The following AFAP1 variants were observed in gnomAD, a reference collection of about 807,000 sequenced individuals.
AFAP1 encodes actin filament associated protein 1.
AFAP1 carries 75 observed loss-of-function variants against 93.9 expected under a neutral mutation model. The observed-to-expected ratio is 0.80, with a 90% CI of 0.66 to 0.97. AFAP1 has a LOEUF of 0.97. Ranked by LOEUF, AFAP1 falls within the 50% of genes least tolerant of loss-of-function variation. The pLI is 0.00. For missense variants in AFAP1, 1,201 were observed against 1,050.8 expected (o/e 1.14, Z -1.98); for synonymous variants, 517 against 430.7 (o/e 1.20, Z -2.48).
chr4:7,798,968 A>T (rs568550513), intron 10 of AFAP1: 1 of 986,380 alleles, frequency 1.0e-6, no homozygotes, highest in East Asian at 1.1e-4. Flanking sequence ...CTCATGGGAG[A>T]CCCGCATTGT....
At position 7,816,118 on chromosome 4, in the gene AFAP1, T is replaced by A. The variant is rs1250876431; in HGVS notation, c.823-19A>T. Reference sequence around the variant, plus strand: ...ACAGTTTCTGTAAGGAGAAAAAGATTAAGTTATTCTTACAGTGGTCACTTG... The same window carrying A: ...ACAGTTTCTGTAAGGAGAAAAAGATAAAGTTATTCTTACAGTGGTCACTTG... On this transcript the variant is annotated intron_variant, in intron 7 of 17. Transcript: ENST00000420658. 1.3e-6 allele frequency: 2 copies of A among 1,596,702 alleles called. No homozygotes were observed. Among genetic ancestry groups the A allele is most frequent in the Non-Finnish European group, 8.6e-7 (1 of 1,168,922 alleles).
At chr4:7,935,735 G>GTA (rs150380286) in intron 1 of AFAP1, among the ~76,000 whole-genome samples, 6,293 of 152,210 alleles carry the variant, frequency 0.041, 389 homozygotes, top group African/African-American at 0.13. Context: ...CAAAGCAAGG[G>GTA]TATACTTCAG....
At chr4:7,790,418 T>C (rs1717759414) in intron 11 of AFAP1, among the ~76,000 whole-genome samples, 1 of 152,250 alleles carries the variant, frequency 6.6e-6, no homozygotes, top group Non-Finnish European at 1.5e-5. Flanking sequence ...TTTAGATTAA[T>C]ACTCTAGTCA....
In AFAP1 at chr4:7,775,772, A is replaced by C. The variant is rs537139226; in HGVS notation, c.1898-869T>G. On this transcript the variant is annotated intron_variant, in intron 14 of 17. Transcript: ENST00000420658. ...TGCCTCAGTTTCCCTCATCCGTGAA[A>C]TGGGGATAGTAAGAGCAGGCAATTC... The C allele has an allele frequency of 1.6e-3, 247 of 152,334 alleles. 1 individual carries two copies. The highest frequency in any genetic ancestry group is 5.8e-3 in the African/African-American group (240 of 41,584). The allele number at this position is 152,334 out of a possible 1,614,324, so 9.4% of individuals were successfully genotyped here.
intron 9 of AFAP1, among the ~76,000 whole-genome samples, chr4:7,805,309 A>T (rs1008393434): frequency 6.6e-6 from 1 of 152,232 alleles, no homozygotes; most frequent in Admixed American, 6.5e-5. Context: ...AAAGTGACAG[A>T]ACATTTCAGC....
Position 7,885,063 on chromosome 4 carries a change from C to T in AFAP1, c.-2-12983G>A, listed in dbSNP as rs147229124. ...ACTGTTTCACAAAAGCTCATCTCAT[C>T]GCTCTCTAGATTTCAGGCTCCAATT... On this transcript the variant is annotated intron_variant, in intron 1 of 17. Coordinates refer to ENST00000420658, the MANE Select transcript of AFAP1 (RefSeq NM_001134647.2). Among the ~76,000 whole-genome samples, 349 of 152,298 alleles carry T rather than the reference C, an allele frequency of 2.3e-3. 7 individuals carry two copies. Among genetic ancestry groups the T allele is most frequent in the South Asian group, 6.0e-3 (29 of 4,820 alleles).
intron 7 of AFAP1, among the ~76,000 whole-genome samples, chr4:7,817,364 A>G (rs1720565439): frequency 1.3e-5 from 2 of 152,206 alleles, no homozygotes; most frequent in African/African-American, 2.4e-5. Flanking sequence ...GCACTTTGGG[A>G]GGCCAAGGCA....
At chr4:7,931,697 T>C (rs558860390) in intron 1 of AFAP1, among the ~76,000 whole-genome samples, 47 of 152,128 alleles carry the variant, frequency 3.1e-4, no homozygotes, top group African/African-American at 1.1e-3. Flanking sequence ...TGGTGTGTTC[T>C]AAAATTTTCT....
chr4:7,859,854 T>TTAAACAAAAAGAATTCACAGAGAATTCTC (rs1715473936), intron 3 of AFAP1, among the ~76,000 whole-genome samples: 1 of 152,106 alleles, frequency 6.6e-6, no homozygotes, highest in Non-Finnish European at 1.5e-5. Flanking sequence ...AGTGAATTCT[T>TTAAACAAAAAGAATTCACAGAGAATTCTC]TAAACAAAAA....
chr4:7,779,817 T>C (rs1433906432), intron 13 of AFAP1, among the ~76,000 whole-genome samples: 2 of 152,218 alleles, frequency 1.3e-5, no homozygotes, highest in African/African-American at 4.8e-5. Context: ...ATATGGCACA[T>C]AAGTGCTCAG....
chr4:7,879,468 A>C (rs1717714198), intron 1 of AFAP1, among the ~76,000 whole-genome samples: 1 of 150,244 alleles, frequency 6.7e-6, no homozygotes, highest in Non-Finnish European at 1.5e-5. Context: ...AGGTCACCAA[A>C]CACAGACTGG....
intron 14 of AFAP1, chr4:7,776,743 C>T (rs541738713): frequency 1.3e-5 from 2 of 152,282 alleles, no homozygotes; most frequent in Admixed American, 1.3e-4. Flanking sequence ...GCGAAGCATT[C>T]GACAATCTGA....
chr4:7,768,737 G>C (rs1419965888), intron 17 of AFAP1, 107 bp downstream of exon 17: 2 of 1,340,668 alleles, frequency 1.5e-6, no homozygotes, highest in African/African-American at 3.0e-5. Context: ...TGAGTGCCAA[G>C]TGGATGCAGT....
At chr4:7,934,059 G>T (rs113886399) in intron 1 of AFAP1, among the ~76,000 whole-genome samples, 3,759 of 152,246 alleles carry the variant, frequency 0.025, 148 homozygotes, top group African/African-American at 0.084. Flanking sequence ...TACATCCAAA[G>T]GCAGGGCTGG....
At chr4:7,904,850 T>G (rs1266624082) in intron 1 of AFAP1, among the ~76,000 whole-genome samples, 3 of 152,112 alleles carry the variant, frequency 2.0e-5, no homozygotes, top group Non-Finnish European at 4.4e-5. Flanking sequence ...ATTACAGGCA[T>G]GAGCCACCAC....
rs1372403019 is a variant in AFAP1, at chr4:7,763,147, A to G, written c.*618T>C. 6 of 152,712 alleles carry G rather than the reference A, an allele frequency of 3.9e-5. No individual in the cohort carries two copies. The highest frequency in any genetic ancestry group is 5.9e-5 in the Non-Finnish European group (4 of 68,090). 9.5% of individuals were successfully genotyped at this position (152,712 alleles called of 1,614,324 possible). ...CTTTTCATGTCTTGGTGACAAAAGC[A>G]TCTGTCCAAAAAATAATAATAAAAG... is the stretch of plus-strand genomic sequence containing the variant. On this transcript the variant is annotated 3_prime_UTR_variant, in exon 18 of 18. Coordinates refer to ENST00000420658, the MANE Select transcript of AFAP1 (RefSeq NM_001134647.2).
intron 10 of AFAP1, among the ~76,000 whole-genome samples, chr4:7,796,158 TGGCCCCCAGATC>T (rs1718400177): frequency 6.6e-6 from 1 of 152,150 alleles, no homozygotes; most frequent in African/African-American, 2.4e-5. Flanking sequence ...TGAGCACATC[TGGCCCCCAGATC>T]CTGGCTTCTC....
intron 3 of AFAP1, among the ~76,000 whole-genome samples, chr4:7,858,374 C>G (rs34982807): frequency 0.12 from 17,698 of 152,134 alleles, 1,278 homozygotes; most frequent in Non-Finnish European, 0.17. Flanking sequence ...AATACCCCCT[C>G]AGAAAATAAT....
intron 14 of AFAP1, chr4:7,777,560 G>A (rs762509148): frequency 1.3e-5 from 2 of 152,198 alleles, no homozygotes; most frequent in South Asian, 2.1e-4. Flanking sequence ...TGGCAGCCTC[G>A]CTCTTCGACA....
Sources: allele counts gnomAD v4.1 joint callset (sites outside exome capture counted in the v4.1 genomes callset), GRCh38; gene constraint gnomAD v4.1.1; transcripts MANE v1.5; gene names NCBI Gene and HGNC (gene_info 2026-07-23, HGNC 2026-07-21).